COL28A1: variants seen among roughly 807,000 people sequenced by gnomAD.
The protein encoded by COL28A1 is collagen type XXVIII alpha 1 chain.
Under a neutral mutation model 150.2 loss-of-function variants are expected in COL28A1, and 161 were observed. The ratio of observed to expected loss-of-function variants is 1.07; its 90% CI spans 0.94 to 1.22. The LOEUF (loss-of-function observed/expected upper bound fraction) is 1.22, where lower values mean the gene tolerates loss of function less well. COL28A1 is among the 50% of genes most tolerant of loss of function. The probability of loss-of-function intolerance (pLI) is 0.00; values close to 1 mark genes in which losing one functional copy is unlikely to be tolerated. For missense variants in COL28A1, 1,617 were observed against 1,388.3 expected, an observed-to-expected ratio of 1.16 and a Z score of -2.62; for synonymous variants, 552 against 469.7, an observed-to-expected ratio of 1.18 and a Z score of -2.26.
intron 3 of COL28A1, among the ~76,000 whole-genome samples, chr7:7,524,628 T>A (rs1562910718): frequency 6.6e-6 from 1 of 152,348 alleles, no homozygotes; most frequent in Non-Finnish European, 1.5e-5. Context: ...TATAATTGTA[T>A]ATTTTCAATT....
At position 7,505,943 on chromosome 7, in the gene COL28A1, T is replaced by C. The variant is rs368600260; in HGVS notation, c.1026+71A>G. 5 of 835,228 alleles carry C rather than the reference T, an allele frequency of 6.0e-6. No homozygotes were observed. In the African/African-American group the frequency reaches 8.3e-5, roughly 14 times the overall value. The allele number at this position is 835,228 out of a possible 1,614,324, so 51.7% of individuals were successfully genotyped here. On this transcript the variant is annotated intron_variant, in intron 11 of 34. Transcript: ENST00000399429. Reference sequence around the variant, plus strand: ...AAAGAATCCATTGACTTTTACCTAATAAAACATACATTACTATAGCGCACT... The same window carrying C: ...AAAGAATCCATTGACTTTTACCTAACAAAACATACATTACTATAGCGCACT...
chr7:7,541,867 G>C, the COL28A1 span, among the ~76,000 whole-genome samples: 3 of 151,568 alleles, frequency 2.0e-5, no homozygotes, highest in Middle Eastern at 0.01. Context: ...GCACTGGATA[G>C]AAAACAGATA....
At chr7:7,443,034 C>CA (rs59365180) in intron 20 of COL28A1, among the ~76,000 whole-genome samples, 27,262 of 105,690 alleles carry the variant, frequency 0.26, 3,297 homozygotes, top group African/African-American at 0.42. Context: ...GACTCCGTCT[C>CA]AAAAAAAAAA....
chr7:7,410,894 T>G (rs1783753229), intron 27 of COL28A1, among the ~76,000 whole-genome samples: 1 of 152,192 alleles, frequency 6.6e-6, no homozygotes, highest in Admixed American at 6.6e-5. Flanking sequence ...ATAAATGAGA[T>G]TCCTTTTTCC....
At chr7:7,445,795 G>A (rs922269678) in intron 18 of COL28A1, among the ~76,000 whole-genome samples, 1 of 149,942 alleles carries the variant, frequency 6.7e-6, no homozygotes, top group East Asian at 1.9e-4. Flanking sequence ...TAGATGGAAT[G>A]ATAAAGATGA....
At position 7,417,862 on chromosome 7, in the gene COL28A1, A is replaced by C; in HGVS notation, c.2133T>G (p.Ile711Met). ...PGPPGYGSQG[I>M]KGEQGPQGFP... ...CAGCACAACCCTATTCACTTACTTT[A>C]ATTCCCTGTGATCCATAGCCAGGGG... The change falls in exon 27 of 35, where the codon ATT becomes ATG. Residue 711 changes from isoleucine (I) to methionine (M), a missense_variant. Transcript: ENST00000399429. 6.2e-7 allele frequency: 1 copy of C among 1,613,056 alleles called. No individual in the cohort carries two copies. Among genetic ancestry groups the C allele is most frequent in the Non-Finnish European group, 8.5e-7 (1 of 1,179,326 alleles).
intron 27 of COL28A1, among the ~76,000 whole-genome samples, chr7:7,402,544 G>T (rs1187441186): frequency 1.3e-5 from 2 of 152,224 alleles, no homozygotes; most frequent in Non-Finnish European, 2.9e-5. Context: ...ATCAAACTAG[G>T]GAGATACAGT....
At chr7:7,505,095 T>C (rs1780737833) in intron 11 of COL28A1, among the ~76,000 whole-genome samples, 1 of 152,172 alleles carries the variant, frequency 6.6e-6, no homozygotes. Flanking sequence ...TCTATTTTAA[T>C]TTGCCAATTC....
intron 13 of COL28A1, among the ~76,000 whole-genome samples, chr7:7,479,029 G>C (rs1189705244): frequency 2.0e-5 from 3 of 152,254 alleles, no homozygotes; most frequent in Non-Finnish European, 2.9e-5. Context: ...AGCATGGCCA[G>C]AGTGGGCACC....
At chr7:7,463,122 G>A (rs191530670) in intron 15 of COL28A1, among the ~76,000 whole-genome samples, 45 of 152,056 alleles carry the variant, frequency 3.0e-4, no homozygotes, top group Non-Finnish European at 5.3e-4. Context: ...AGGAATAATC[G>A]AGGAAAACTT....
chr7:7,400,979 T>G lies in COL28A1; in HGVS notation c.2136+16880A>C, dbSNP rs915624638. Among the ~76,000 whole-genome samples the G allele has an allele frequency of 5.6e-4, 47 of 84,612 alleles. No individual in the cohort carries two copies. In the Middle Eastern group the frequency reaches 0.018, roughly 32 times the overall value. The allele number at this position is 84,612 out of a possible 152,430, so 55.5% of individuals were successfully genotyped here. A position where few individuals can be genotyped will look rare whatever the true frequency, so the allele number is the denominator to read the frequency against. ...CATAGGACGTGTGGGTATTTGGGTG[T>G]GTGTGTGTGTGTGTGTGTGTGTGTG... On this transcript the variant is annotated intron_variant, in intron 27 of 34. Transcript: ENST00000399429.
At chr7:7,355,418 C>T (rs184015748), downstream of COL28A1, among the ~76,000 whole-genome samples, 310 of 151,926 alleles carry the variant, frequency 2.0e-3, 1 homozygote, top group African/African-American at 7.0e-3. Flanking sequence ...AAGACCAGCC[C>T]GGACAACATG....
downstream of COL28A1, among the ~76,000 whole-genome samples, chr7:7,353,858 A>G (rs1376058397): frequency 1.3e-5 from 2 of 152,164 alleles, no homozygotes; most frequent in African/African-American, 4.8e-5. Context: ...CTACTTTCCA[A>G]CAACAATATA....
intron 11 of COL28A1, among the ~76,000 whole-genome samples, chr7:7,492,867 G>C (rs1271361224): frequency 6.6e-6 from 1 of 150,628 alleles, no homozygotes; most frequent in Admixed American, 6.6e-5. Flanking sequence ...GGTTGTACTT[G>C]TTTTTCTATA....
intron 28 of COL28A1, among the ~76,000 whole-genome samples, chr7:7,381,210 A>T (rs1224498521): frequency 1.3e-5 from 2 of 152,146 alleles, no homozygotes; most frequent in African/African-American, 4.8e-5. Context: ...TAAGATAACT[A>T]ATAAATCCTT....
chr7:7,473,981 G>C (rs1170892314), intron 15 of COL28A1, among the ~76,000 whole-genome samples: 4 of 147,300 alleles, frequency 2.7e-5, no homozygotes, highest in Admixed American at 6.8e-5. Flanking sequence ...TGTGTATATA[G>C]TGTATATATA....
intron 22 of COL28A1, among the ~76,000 whole-genome samples, chr7:7,436,828 C>T (rs1284275350): frequency 6.6e-6 from 1 of 152,128 alleles, no homozygotes; most frequent in Non-Finnish European, 1.5e-5. Flanking sequence ...TCACTTGAAT[C>T]CAGGAGTTCA....
intron 15 of COL28A1, among the ~76,000 whole-genome samples, chr7:7,464,693 C>A (rs1201571264): frequency 1.3e-5 from 2 of 152,210 alleles, no homozygotes; most frequent in South Asian, 2.1e-4. Flanking sequence ...TAGCCCTAAA[C>A]ACCTATATCA....
chr7:7,354,494 G>A (rs749414766), downstream of COL28A1, among the ~76,000 whole-genome samples: 35 of 152,048 alleles, frequency 2.3e-4, no homozygotes, highest in Admixed American at 5.9e-4. Flanking sequence ...CAGGAGGAAC[G>A]CCCCTACCTA....
Sources: allele counts gnomAD v4.1 joint callset (sites outside exome capture counted in the v4.1 genomes callset), GRCh38; gene constraint gnomAD v4.1.1; transcripts MANE v1.5; gene names NCBI Gene and HGNC (gene_info 2026-07-23, HGNC 2026-07-21).